The following OVCH2 variants were observed in gnomAD, a reference collection of about 807,000 sequenced individuals.
OVCH2 encodes the protein ovochymase 2, also known as ovochymase-2.
Under a neutral mutation model 73.7 loss-of-function variants are expected in OVCH2, and 88 were observed. The observed-to-expected ratio is 1.19, with a 90% confidence interval of 1.01 to 1.43. OVCH2 has a LOEUF of 1.43. OVCH2 is among the 40% of genes most tolerant of loss of function. The pLI is 0.00. For synonymous variants in OVCH2, 265 were observed against 234.5 expected, an observed-to-expected ratio of 1.13 and a Z score of -1.19; for missense variants, 706 against 674.5, an observed-to-expected ratio of 1.05 and a Z score of -0.52.
intron 11 of OVCH2, 124 bp from the exon 12 acceptor site, chr11:7,695,312 A>G: frequency 1.6e-6 from 2 of 1,240,124 alleles, no homozygotes; most frequent in Non-Finnish European, 2.2e-6. Flanking sequence ...TGCGAACAAG[A>G]AAAGACGTAG....
Position 7,689,614 on chromosome 11 carries a change from G to A in OVCH2, c.*32-12C>T, listed in dbSNP as rs1856181792. 2.1e-6 allele frequency: 1 copy of A among 482,734 alleles called. No homozygotes were observed. Among genetic ancestry groups the A allele is most frequent in the African/African-American group, 2.0e-5 (1 of 51,212 alleles). The allele number at this position is 482,734 out of a possible 1,614,324, so 29.9% of individuals were successfully genotyped here. A position where few individuals can be genotyped will look rare whatever the true frequency, so the allele number is the denominator to read the frequency against. On this transcript the variant is annotated splice_polypyrimidine_tract_variant and intron_variant, in intron 15 of 15. Transcript: ENST00000533663. ...TGGTGCCCCTTGGCCTGTAGATAATGTATTGCCCCAACCTCTGCCTTCATC... is the reference window on the plus strand; with the variant it reads ...TGGTGCCCCTTGGCCTGTAGATAATATATTGCCCCAACCTCTGCCTTCATC...
chr11:7,702,984 C>T (rs4758012), intron 3 of OVCH2, among the ~76,000 whole-genome samples: 54,997 of 152,098 alleles, frequency 0.36, 10,589 homozygotes, highest in South Asian at 0.58. Context: ...GTCTCTCTTA[C>T]CTACCACTTG....
At chr11:7,695,994 G>T (rs1395107715) in intron 10 of OVCH2, among the ~76,000 whole-genome samples, 1 of 152,174 alleles carries the variant, frequency 6.6e-6, no homozygotes, top group Non-Finnish European at 1.5e-5. Flanking sequence ...TGTCCTGAGG[G>T]TTGGGGGTAC....
intron 9 of OVCH2, 45 bp from the exon 10 acceptor site, chr11:7,696,634 G>T: frequency 6.2e-7 from 1 of 1,613,912 alleles, no homozygotes; most frequent in Non-Finnish European, 8.5e-7. Flanking sequence ...GACAGAAAAC[G>T]ACTATCACAG....
intron 12 of OVCH2, among the ~76,000 whole-genome samples, chr11:7,693,545 T>A (rs1202239494): frequency 6.6e-6 from 1 of 152,230 alleles, no homozygotes; most frequent in Non-Finnish European, 1.5e-5. Context: ...CAATCACTTC[T>A]GGCTCTGGCA....
At chr11:7,683,831 C>A in the OVCH2 span, among the ~76,000 whole-genome samples, 1 of 152,140 alleles carries the variant, frequency 6.6e-6, no homozygotes, top group African/African-American at 2.4e-5. Flanking sequence ...CCCTTATTAT[C>A]TGCATAGCCT....
intron 3 of OVCH2, 102 bp downstream of exon 3, chr11:7,703,596 C>T (rs1856482018): frequency 1.1e-6 from 1 of 909,542 alleles, no homozygotes; most frequent in Non-Finnish European, 1.6e-6. Flanking sequence ...AACCAATACT[C>T]ACCTATCACA....
chr11:7,700,482 C>T lies in OVCH2; in HGVS notation c.715G>A (p.Asp239Asn), dbSNP rs1408756993. The change falls in exon 7 of 16, where the codon GAT becomes AAT. Residue 239 changes from aspartate to asparagine, a missense_variant. Asp to Asn is a conservative substitution (Grantham distance 23). Coordinates refer to ENST00000533663, the MANE Select transcript of OVCH2 (RefSeq NM_198185.7). ...PDGGRDACQG[D>N]SGGSLMCRNK... ...CGGCACATGAGTGAACCTCCTGAAT[C>T]TCCCTGCAGAGGGAAAAAGCCTCTA... The T allele has an allele frequency of 1.2e-6, 2 of 1,600,762 alleles. No homozygotes were observed. The highest frequency in any genetic ancestry group is 1.7e-6 in the Non-Finnish European group (2 of 1,173,608).
chr11:7,706,187 A>G (rs1412557340), intron 1 of OVCH2, 120 bp downstream of exon 1: 23 of 1,032,784 alleles, frequency 2.2e-5, no homozygotes, highest in Non-Finnish European at 3.1e-5. Flanking sequence ...AAACAATTAG[A>G]TATCCAAAAT....
intron 14 of OVCH2, among the ~76,000 whole-genome samples, 194 bp from the exon 15 acceptor site, chr11:7,690,207 C>G (rs1856195406): frequency 6.6e-6 from 1 of 152,120 alleles, no homozygotes; most frequent in Non-Finnish European, 1.5e-5. Context: ...TGCTTAATAC[C>G]TAAAAAGAAT....
chr11:7,684,767 G>A (rs113444988), downstream of OVCH2, among the ~76,000 whole-genome samples: 801 of 152,178 alleles, frequency 5.3e-3, 6 homozygotes, highest in African/African-American at 0.018. Context: ...TGGAATCAGC[G>A]AAAGTCTATT....
At chr11:7,681,853 C>CAAAAAA in the OVCH2 span, among the ~76,000 whole-genome samples, 6 of 92,998 alleles carry the variant, frequency 6.5e-5, no homozygotes, top group Non-Finnish European at 9.3e-5. Context: ...GGGAAATGTC[C>CAAAAAA]AAAAAAAAAA....
At chr11:7,682,060 T>C in the OVCH2 span, among the ~76,000 whole-genome samples, 1 of 152,140 alleles carries the variant, frequency 6.6e-6, no homozygotes, top group Admixed American at 6.6e-5. Flanking sequence ...ATAGAGCAAA[T>C]TGGGCTAAAG....
At chr11:7,695,419 GC>G in intron 11 of OVCH2, 150 bp downstream of exon 11, 2 of 921,112 alleles carry the variant, frequency 2.2e-6, no homozygotes, top group Non-Finnish European at 3.3e-6. Flanking sequence ...GGGGGAGACT[GC>G]CCCCTGTTCT....
chr11:7,686,139 C>A (rs1040668480), downstream of OVCH2, among the ~76,000 whole-genome samples: 2 of 152,220 alleles, frequency 1.3e-5, no homozygotes, highest in South Asian at 4.1e-4. Flanking sequence ...AGAGGTAGCA[C>A]AGCACTGTGC....
intron 5 of OVCH2, 42 bp downstream of exon 5, chr11:7,701,674 G>A: frequency 6.4e-7 from 1 of 1,574,494 alleles, no homozygotes; most frequent in South Asian, 1.2e-5. Flanking sequence ...CCACCAGAAA[G>A]TTCTGACCTC....
intron 1 of OVCH2, chr11:7,705,577 G>T (rs1856515649): frequency 6.6e-6 from 1 of 152,188 alleles, no homozygotes; most frequent in Non-Finnish European, 1.5e-5. Context: ...ATGAAGCACT[G>T]TTATCCCCAC....
chr11:7,698,469 C>G (rs1340081727), intron 8 of OVCH2, among the ~76,000 whole-genome samples: 1 of 152,098 alleles, frequency 6.6e-6, no homozygotes, highest in African/African-American at 2.4e-5. Flanking sequence ...GCTTACTGAC[C>G]ACATCGGCAC....
At chr11:7,695,250 C>A in intron 11 of OVCH2, 62 bp from the exon 12 acceptor site, 2 of 1,476,986 alleles carry the variant, frequency 1.4e-6, no homozygotes, top group Non-Finnish European at 1.8e-6. Flanking sequence ...ATTCTCACTG[C>A]TCTCCCTCCT....
Sources: gnomAD v4.1 joint callset for allele counts (sites outside exome capture counted in the v4.1 genomes callset) on GRCh38, gnomAD v4.1.1 for gene constraint, MANE v1.5 for transcripts, NCBI Gene and HGNC (gene_info 2026-07-23, HGNC 2026-07-21) for gene names.